Variants in PPT2 observed in about 807,000 individuals in gnomAD.
PPT2 encodes the protein palmitoyl-protein thioesterase 2, also known as lysosomal thioesterase PPT2.
PPT2 carries 20 observed loss-of-function variants against 37.3 expected under a neutral mutation model. The ratio of observed to expected loss-of-function variants is 0.54; its 90% confidence interval spans 0.38 to 0.78. The LOEUF (loss-of-function observed/expected upper bound fraction) is 0.78. Among genes scored for constraint, PPT2 ranks in the 30% least tolerant of loss-of-function variants. The pLI is 0.00. For synonymous variants in PPT2, 135 were observed against 159.1 expected, an observed-to-expected ratio of 0.85 and a Z score of 1.14; for missense variants, 270 against 389.8, an observed-to-expected ratio of 0.69 and a Z score of 2.59.
chr6:32,154,245 AG>A lies in PPT2; in HGVS notation c.-166del, dbSNP rs1682411810. 20 of 1,196,856 alleles carry A rather than the reference AG, an allele frequency of 1.7e-5. No individual in the cohort carries two copies. Among genetic ancestry groups the A allele is most frequent in the Non-Finnish European group, 2.1e-5 (20 of 963,472 alleles). 74.1% of individuals were successfully genotyped at this position (1,196,856 alleles called of 1,614,324 possible). On this transcript the variant is annotated 5_prime_UTR_variant, in exon 1 of 9. Transcript: ENST00000324816. The surrounding 1 kb of genome is among the most constrained non-coding windows in gnomAD (Gnocchi z 7.3). ...GGAGCGAGGCCTACGGACCCAGGCC[AG>A]GTGGGAGTCTGCACTCTTCAAGGGG...
At position 32,155,626 on chromosome 6, in the gene PPT2, T is replaced by TG. The variant is rs1414038153; in HGVS notation, c.338-56dup. Reference sequence around the variant, plus strand: ...TGTGTGTGTGTGTGTGTGGTGGGGGTGGGGGGTGCTGCTGGCTTTGCTGTC... The same window carrying TG: ...TGTGTGTGTGTGTGTGTGGTGGGGGTGGGGGGGTGCTGCTGGCTTTGCTGTC... On this transcript the variant is annotated intron_variant, in intron 3 of 8. Coordinates refer to ENST00000324816, the MANE Select transcript of PPT2 (RefSeq NM_005155.7). The surrounding 1 kb of genome is among the most constrained non-coding windows in gnomAD (Gnocchi z 4.3). The TG allele has an allele frequency of 1.1e-6, 1 of 910,446 alleles. No homozygotes were observed. The highest frequency in any genetic ancestry group is 2.3e-5 in the African/African-American group (1 of 42,668). The allele number at this position is 910,446 out of a possible 1,614,324, so 56.4% of individuals were successfully genotyped here. A position where few individuals can be genotyped will look rare whatever the true frequency, so the allele number is the denominator to read the frequency against.
rs140946469 is a variant in PPT2 at position 32,162,778 on chromosome 6, G to A, written c.766-29G>A. On this transcript the variant is annotated intron_variant, in intron 8 of 8. Transcript: ENST00000324816. The surrounding 1 kb of genome is among the most constrained non-coding windows in gnomAD (Gnocchi z 5.5). ...GTCTCTCCTTGTGTCTCTCTTCCAT[G>A]CTTCCACGCCCCTTCGACCACCTTG... 828 of 1,610,528 alleles carry A rather than the reference G, an allele frequency of 5.1e-4. 4 individuals carry two copies. In the African/African-American group the frequency reaches 9.2e-3, roughly 18 times the overall value.
chr6:32,160,193 C>A (rs542990635), intron 7 of PPT2, among the ~76,000 whole-genome samples: 1 of 150,432 alleles, frequency 6.6e-6, no homozygotes, highest in Admixed American at 6.6e-5. Flanking sequence ...TACAGGCACC[C>A]GCCACCACGC....
In PPT2 at chr6:32,162,938, T is replaced by A; in HGVS notation, c.897T>A (p.Pro299=). ...CCCTTTATGAGACCTGCATTGAACC[T>A]TGGCTCTCCTGAGGATATATTCAGG... ...NRTLYETCIE[P]WLS The change falls in exon 9 of 9, where the codon CCT becomes CCA. Residue 299 remains proline, a synonymous_variant. Coordinates refer to ENST00000324816, the MANE Select transcript of PPT2 (RefSeq NM_005155.7). This position sits in a 1 kb window ranked among gnomAD's most constrained non-coding sequence, Gnocchi z 5.5. 1 of 1,613,500 alleles carries A rather than the reference T, an allele frequency of 6.2e-7. No individual in the cohort carries two copies. Among genetic ancestry groups the A allele is most frequent in the Non-Finnish European group, 8.5e-7 (1 of 1,179,788 alleles).
chr6:32,153,833 AC>A, upstream of PPT2: 1 of 1,038,670 alleles, frequency 9.6e-7, no homozygotes, highest in Non-Finnish European at 1.4e-6. This position sits in a 1 kb window ranked among gnomAD's most constrained non-coding sequence, Gnocchi z 4.4. Context: ...GCGGAGCCAG[AC>A]GCCTGTATTG....
Position 32,154,338 on chromosome 6 carries a change from A to T in PPT2, c.-75A>T, listed in dbSNP as rs1272005509. ...TCATGGCTGAGGCGATGCATTAGGA[A>T]GATCCTGGACCTAGAGAACAAGTCC... On this transcript the variant is annotated 5_prime_UTR_variant, in exon 1 of 9. The change creates a new upstream start codon in the 5' untranslated region. Transcript: ENST00000324816. This position sits in a 1 kb window ranked among gnomAD's most constrained non-coding sequence, Gnocchi z 7.3. The T allele has an allele frequency of 7.1e-7, 1 of 1,402,074 alleles. No homozygotes were observed. The highest frequency in any genetic ancestry group is 9.2e-7 in the Non-Finnish European group (1 of 1,082,954). The allele number at this position is 1,402,074 out of a possible 1,614,324, so 86.9% of individuals were successfully genotyped here.
chr6:32,160,038 T>C (rs985545099), intron 7 of PPT2, among the ~76,000 whole-genome samples: 2 of 151,068 alleles, frequency 1.3e-5, no homozygotes, highest in African/African-American at 4.9e-5. Flanking sequence ...TCTCTCTCTA[T>C]ATATAGATAG....
upstream of PPT2, chr6:32,153,803 T>C: frequency 9.4e-7 from 1 of 1,068,906 alleles, no homozygotes; most frequent in Non-Finnish European, 1.3e-6. The surrounding 1 kb of genome is among the most constrained non-coding windows in gnomAD (Gnocchi z 4.4). Context: ...CCTTGGGGAA[T>C]GCAAACTTCG....
Position 32,162,815 on chromosome 6 carries a change from G to A in PPT2, c.774G>A (p.Leu258=). 4 of 1,613,354 alleles carry A rather than the reference G, an allele frequency of 2.5e-6. No individual in the cohort carries two copies. Among genetic ancestry groups the A allele is most frequent in the Non-Finnish European group, 3.4e-6 (4 of 1,179,728 alleles). ...VLEMEEQLVY[L]RDSFGLKTLL... ...CTTCGACCACCTTGAAGGTTTATCT[G>A]CGGGATTCTTTTGGGTTGAAGACTC... The change falls in exon 9 of 9, where the codon CTG becomes CTA. Residue 258 remains leucine, a synonymous_variant. Transcript: ENST00000324816. The surrounding 1 kb of genome is among the most constrained non-coding windows in gnomAD (Gnocchi z 5.5).
At chr6:32,161,288 T>TTTTG (rs567817701) in intron 7 of PPT2, among the ~76,000 whole-genome samples, 2 of 152,016 alleles carry the variant, frequency 1.3e-5, no homozygotes, top group Non-Finnish European at 2.9e-5. Context: ...TTTAGTATCT[T>TTTTG]TTTGTTTGTT....
At position 32,162,625 on chromosome 6, in the gene PPT2, G is replaced by T. The variant is rs753653932; in HGVS notation, c.765+3G>T. 1 of 1,605,174 alleles carries T rather than the reference G, an allele frequency of 6.2e-7. No homozygotes were observed. Among genetic ancestry groups the T allele is most frequent in the South Asian group, 1.1e-5 (1 of 90,884 alleles). ...TCCTGGAGATGGAGGAGCAACTGGT[G>T]AGCCCCCTGGGATTACTTCCCCTTC... On this transcript the variant is annotated splice_donor_region_variant and intron_variant, in intron 8 of 8. Transcript: ENST00000324816. The surrounding 1 kb of genome is among the most constrained non-coding windows in gnomAD (Gnocchi z 5.5).
chr6:32,157,457 C>T (rs1344481964), intron 5 of PPT2, 180 bp from the exon 6 acceptor site: 3 of 616,142 alleles, frequency 4.9e-6, no homozygotes, highest in Non-Finnish European at 5.8e-6. Context: ...AAGTGATCCA[C>T]CTGCCTCTAC....
chr6:32,154,354 G>C lies in PPT2; in HGVS notation c.-59G>C. The C allele has an allele frequency of 7.0e-7, 1 of 1,418,950 alleles. No homozygotes were observed. The highest frequency in any genetic ancestry group is 9.2e-7 in the Non-Finnish European group (1 of 1,091,112). The allele number at this position is 1,418,950 out of a possible 1,614,324, so 87.9% of individuals were successfully genotyped here. On this transcript the variant is annotated 5_prime_UTR_variant, in exon 1 of 9. Transcript: ENST00000324816. This position sits in a 1 kb window ranked among gnomAD's most constrained non-coding sequence, Gnocchi z 7.3. ...GCATTAGGAAGATCCTGGACCTAGA[G>C]AACAAGTCCCCCGAACGCTGAGTTG...
In PPT2 at chr6:32,163,056, C is replaced by T. The variant is rs1784271525; in HGVS notation, c.*106C>T. On this transcript the variant is annotated 3_prime_UTR_variant, in exon 9 of 9. Coordinates refer to ENST00000324816, the MANE Select transcript of PPT2 (RefSeq NM_005155.7). ...GTGCCTGTGACCACCTCATTGCTCC[C>T]ATATTATCCCCCATTTTTAGTAGAG... The T allele has an allele frequency of 1.5e-6, 2 of 1,295,804 alleles. No homozygotes were observed. The highest frequency in any genetic ancestry group is 1.1e-6 in the Non-Finnish European group (1 of 935,994). The allele number at this position is 1,295,804 out of a possible 1,614,324, so 80.3% of individuals were successfully genotyped here. A position where few individuals can be genotyped will look rare whatever the true frequency, so the allele number is the denominator to read the frequency against.
intron 7 of PPT2, among the ~76,000 whole-genome samples, chr6:32,160,418 C>T (rs1306039872): frequency 6.6e-6 from 1 of 151,614 alleles, no homozygotes; most frequent in Non-Finnish European, 1.5e-5. Flanking sequence ...CGCCTATAAT[C>T]CCAGCACTTT....
upstream of PPT2, chr6:32,153,736 C>T: frequency 3.5e-6 from 5 of 1,419,160 alleles, no homozygotes; most frequent in Non-Finnish European, 4.8e-6. The surrounding 1 kb of genome is among the most constrained non-coding windows in gnomAD (Gnocchi z 4.4). Context: ...CTGCCACTCA[C>T]CCAGCACACG....
At chr6:32,157,963 C>T in intron 7 of PPT2, 39 bp downstream of exon 7, 1 of 1,527,550 alleles carries the variant, frequency 6.5e-7, no homozygotes, top group Non-Finnish European at 9.0e-7. Context: ...TGGCTAAAGA[C>T]ATCCCCCAAC....
intron 7 of PPT2, among the ~76,000 whole-genome samples, chr6:32,161,137 A>G (rs957695278): frequency 2.0e-5 from 3 of 152,022 alleles, no homozygotes; most frequent in South Asian, 2.1e-4. Flanking sequence ...TTAATGTTAT[A>G]TTTAAATATA....
In PPT2 at chr6:32,163,128, C is replaced by T; in HGVS notation, c.*178C>T. The T allele has an allele frequency of 1.5e-6, 1 of 668,656 alleles. No individual in the cohort carries two copies. Among genetic ancestry groups the T allele is most frequent in the East Asian group, 2.8e-5 (1 of 35,892 alleles). 41.4% of individuals were successfully genotyped at this position (668,656 alleles called of 1,614,324 possible). ...GGCCTCCCAGAACCCCCTTCCTCTG[C>T]TCCTCCATGAATGACAATTCCAGGC... On this transcript the variant is annotated 3_prime_UTR_variant, in exon 9 of 9. Transcript: ENST00000324816.
Sources: allele counts gnomAD v4.1 joint callset (sites outside exome capture counted in the v4.1 genomes callset), GRCh38; gene constraint gnomAD v4.1.1; non-coding constraint Gnocchi (gnomAD v3.1); transcripts MANE v1.5; gene names NCBI Gene and HGNC (gene_info 2026-07-23, HGNC 2026-07-21).